PSIP1: variants seen among roughly 807,000 people sequenced by gnomAD.
The protein encoded by PSIP1 is PC4 and SRSF1 interacting protein 1, also known as PC4 and SFRS1-interacting protein.
A neutral mutation model predicts 74.7 loss-of-function variants in PSIP1; 19 were observed. That is an observed-to-expected ratio of 0.25 (90% CI 0.18 to 0.37). PSIP1 has a LOEUF of 0.37. PSIP1 is among the 10% of genes least tolerant of loss of function. The pLI is 1.00. For missense variants in PSIP1, 601 were observed against 614.3 expected (o/e 0.98, Z 0.23); for synonymous variants, 222 against 195.3 (o/e 1.14, Z -1.14).
At chr9:15,474,889 G>A (rs1012635091) in intron 8 of PSIP1, among the ~76,000 whole-genome samples, 3 of 152,088 alleles carry the variant, frequency 2.0e-5, no homozygotes, top group African/African-American at 7.2e-5. Flanking sequence ...GGAATAAGCC[G>A]TTTAAAAACT....
chr9:15,476,289 C>T (rs559587988), intron 8 of PSIP1, among the ~76,000 whole-genome samples: 40 of 152,296 alleles, frequency 2.6e-4, no homozygotes, highest in Admixed American at 5.9e-4. Context: ...AAACCTAAAA[C>T]ATGTAGTCAC....
rs1490978027 is a variant in PSIP1 at position 15,479,627 on chromosome 9, T to G, written c.517A>C (p.Asn173His). ...CCTCTTTTAGGACTCACTTTTAGAT[T>G]AACAGATGCTGTTGCTGTTGTCACT... ...GVVTTATASV[N>H]LKVSPKRGRP... The change falls in exon 7 of 16, where the codon AAT (asparagine) becomes CAT (histidine). Residue 173 changes from asparagine to histidine, a missense_variant. Around this residue, in one of 2 missense-constraint regions of PSIP1, gnomAD observed 538 missense variants for 507.6 expected, o/e 1.06. Coordinates refer to ENST00000380733, the MANE Select transcript of PSIP1 (RefSeq NM_033222.5). 1.2e-6 allele frequency: 2 copies of G among 1,609,976 alleles called. No individual in the cohort carries two copies. Among genetic ancestry groups the G allele is most frequent in the Admixed American group, 1.7e-5 (1 of 59,438 alleles).
At chr9:15,472,803 CT>C in intron 9 of PSIP1, 53 bp from the exon 10 acceptor site, 1 of 1,460,676 alleles carries the variant, frequency 6.8e-7, no homozygotes, top group Non-Finnish European at 9.2e-7. Flanking sequence ...GTGACTAGTG[CT>C]TATGGAATTA....
In PSIP1 at chr9:15,472,080, GTC is replaced by G; in HGVS notation, c.977+550_977+551del. ...AAAGAAATTCCCCATGGCAAGTCCT[GTC>G]TCTATAAGTATCAAAATTTAAGAGA... On this transcript the variant is annotated intron_variant, in intron 10 of 15. Transcript: ENST00000380733. The G allele has an allele frequency of 7.1e-6, 7 of 980,706 alleles. No homozygotes were observed. The South Asian group carries it at 1.9e-4, about 26-fold the overall frequency. The allele number at this position is 980,706 out of a possible 1,614,324, so 60.8% of individuals were successfully genotyped here.
In PSIP1 at chr9:15,489,859, C is replaced by T. The variant is rs542135936; in HGVS notation, c.288+127G>A. On this transcript the variant is annotated intron_variant, in intron 4 of 15. Coordinates refer to ENST00000380733, the MANE Select transcript of PSIP1 (RefSeq NM_033222.5). ...ATAAAATGCCCAAGGTTCAACCTCA[C>T]AAATAAGAACACAACAAACTAGTAT... is the stretch of plus-strand genomic sequence containing the variant. 1.3e-5 allele frequency: 10 copies of T among 754,336 alleles called. No homozygotes were observed. The Admixed American group carries it at 2.3e-4, about 17-fold the overall frequency. The allele number at this position is 754,336 out of a possible 1,614,324, so 46.7% of individuals were successfully genotyped here.
At chr9:15,485,371 C>T (rs1192009776) in intron 6 of PSIP1, among the ~76,000 whole-genome samples, 1 of 152,178 alleles carries the variant, frequency 6.6e-6, no homozygotes, top group East Asian at 1.9e-4. Flanking sequence ...CCAACCCATA[C>T]TGCACAACAA....
chr9:15,466,800 C>T lies in PSIP1; in HGVS notation c.1480G>A (p.Gly494Arg), dbSNP rs375572787. The T allele has an allele frequency of 1.2e-5, 19 of 1,613,378 alleles. No individual in the cohort carries two copies. Among genetic ancestry groups the T allele is most frequent in the Admixed American group, 3.3e-5 (2 of 59,882 alleles). ...TCTTTGCTGTCTTCATTGCTCTCCC[C>T]GTTATGTTGTGGCTGATTACCATCT... ...AQDGNQPQHN[G>R]ESNEDSKDNH... The change falls in exon 15 of 16, where the codon GGG (glycine) becomes AGG (arginine). Residue 494 changes from glycine to arginine, a missense_variant. Gly to Arg is a moderately radical substitution (Grantham distance 125). This residue lies in a region of PSIP1 where 538 missense variants were observed against 507.6 expected (regional missense o/e 1.06). Coordinates refer to ENST00000380733, the MANE Select transcript of PSIP1 (RefSeq NM_033222.5).
intron 10 of PSIP1, chr9:15,472,389 T>A: frequency 7.6e-7 from 1 of 1,313,482 alleles, no homozygotes; most frequent in Non-Finnish European, 9.6e-7. Flanking sequence ...TTAAATCCTA[T>A]CTGCACTTCG....
chr9:15,473,286 G>A (rs1378416575), intron 9 of PSIP1, among the ~76,000 whole-genome samples: 1 of 152,100 alleles, frequency 6.6e-6, no homozygotes, highest in Admixed American at 6.6e-5. Flanking sequence ...TAGGCCTGAA[G>A]GGTGTTAAGA....
rs796210920 is a variant in PSIP1 at position 15,473,915 on chromosome 9, C to A, written c.858+94G>T. On this transcript the variant is annotated intron_variant, in intron 9 of 15. Coordinates refer to ENST00000380733, the MANE Select transcript of PSIP1 (RefSeq NM_033222.5). ...GACTCCATCTCAAACAAAAAAAAAA[C>A]AAAAAAAAAAACAAAAAAAAAACAA... is the stretch of plus-strand genomic sequence containing the variant. The A allele has an allele frequency of 6.0e-3, 3,603 of 598,442 alleles. 51 individuals are homozygous for A. The African/African-American group carries it at 0.064, about 11-fold the overall frequency. The allele number at this position is 598,442 out of a possible 1,614,324, so 37.1% of individuals were successfully genotyped here. A position where few individuals can be genotyped will look rare whatever the true frequency, so the allele number is the denominator to read the frequency against.
chr9:15,478,461 T>C lies in PSIP1; in HGVS notation c.629+16A>G. 1.9e-6 allele frequency: 3 copies of C among 1,542,342 alleles called. No homozygotes were observed. Among genetic ancestry groups the C allele is most frequent in the Non-Finnish European group, 1.8e-6 (2 of 1,116,816 alleles). On this transcript the variant is annotated intron_variant, in intron 8 of 15. Transcript: ENST00000380733. The stretch of plus-strand genomic sequence containing the variant: ...GTCTCATTTATTGCATAATTATACA[T>C]TAAAAATAAACTCACATGTCACTCT...
intron 3 of PSIP1, among the ~76,000 whole-genome samples, chr9:15,500,232 G>A (rs551333976): frequency 3.1e-4 from 47 of 152,156 alleles, no homozygotes; most frequent in Non-Finnish European, 5.6e-4. Flanking sequence ...TGTGGAGGCC[G>A]AGGCAGGAGG....
chr9:15,465,656 A>C (rs1437524846), intron 15 of PSIP1, 76 bp from the exon 16 acceptor site: 2 of 1,257,930 alleles, frequency 1.6e-6, no homozygotes, highest in Non-Finnish European at 2.2e-6. Context: ...TTAAGTCTGC[A>C]TTATATTTTT....
chr9:15,508,532 T>C (rs968043808), intron 2 of PSIP1, among the ~76,000 whole-genome samples: 1 of 152,206 alleles, frequency 6.6e-6, no homozygotes. Flanking sequence ...GGGAGGGTGA[T>C]TTGGGAGATT....
chr9:15,479,685 T>G lies in PSIP1; in HGVS notation c.459A>C (p.Ala153=). ...CCTCCTCAGTTTCTACTTGTTTTTC[T>G]GCCTGAATTACAAAAATTTAATTAA... ...KAARRGRKRK[A]EKQVETEEAG... is the part of the protein sequence containing the mutation. Residue 153 remains alanine (A), a splice_region_variant and synonymous_variant, in exon 7 of 16, where the codon GCA becomes GCC. Coordinates refer to ENST00000380733, the MANE Select transcript of PSIP1 (RefSeq NM_033222.5). 6.2e-7 allele frequency: 1 copy of G among 1,610,826 alleles called. No homozygotes were observed. The highest frequency in any genetic ancestry group is 8.5e-7 in the Non-Finnish European group (1 of 1,178,788).
chr9:15,483,116 C>T (rs2036408654), intron 6 of PSIP1, among the ~76,000 whole-genome samples: 1 of 152,118 alleles, frequency 6.6e-6, no homozygotes, highest in African/African-American at 2.4e-5. Context: ...CTCAATAAAC[C>T]GTTCTCCTTT....
chr9:15,506,419 A>C (rs1020263492), intron 3 of PSIP1, 142 bp downstream of exon 3: 1 of 530,502 alleles, frequency 1.9e-6, no homozygotes, highest in Non-Finnish European at 3.3e-6. Flanking sequence ...TACCTTAAAA[A>C]TAGAGACTTA....
intron 4 of PSIP1, 100 bp from the exon 5 acceptor site, chr9:15,487,031 C>A: frequency 2.9e-6 from 2 of 691,322 alleles, no homozygotes; most frequent in Non-Finnish European, 4.4e-6. Context: ...CAGGGTCTCA[C>A]TCTATCACCC....
chr9:15,504,414 T>C (rs901993994), intron 3 of PSIP1, among the ~76,000 whole-genome samples: 2 of 152,184 alleles, frequency 1.3e-5, no homozygotes, highest in East Asian at 1.9e-4. Flanking sequence ...AAATTTAAAA[T>C]AGTAACGTAA....
Sources: allele counts gnomAD v4.1 joint callset (sites outside exome capture counted in the v4.1 genomes callset), GRCh38; gene constraint gnomAD v4.1.1; regional missense constraint gnomAD v4.1.1; transcripts MANE v1.5; gene names NCBI Gene and HGNC (gene_info 2026-07-23, HGNC 2026-07-21).